PPFIA1: variants seen among roughly 807,000 people sequenced by gnomAD.
PPFIA1 encodes the protein PPFI scaffold protein A1.
In PPFIA1, 25 loss-of-function variants were observed where a neutral mutation model predicts 149.9. The observed-to-expected ratio is 0.17, with a 90% CI of 0.12 to 0.23. PPFIA1 has a LOEUF of 0.23. PPFIA1 is among the 10% of genes least tolerant of loss of function. The probability of loss-of-function intolerance (pLI) is 1.00; values close to 1 mark genes in which losing one functional copy is unlikely to be tolerated. For missense variants in PPFIA1, 1,362 were observed against 1,506.5 expected, an observed-to-expected ratio of 0.90 and a Z score of 1.59; for synonymous variants, 549 against 552.8, an observed-to-expected ratio of 0.99 and a Z score of 0.10.
intron 15 of PPFIA1, 85 bp from the exon 16 acceptor site, chr11:70,348,104 C>T (rs2055828201): frequency 8.8e-7 from 1 of 1,133,242 alleles, no homozygotes; most frequent in African/African-American, 1.5e-5. Flanking sequence ...CATAGTAATA[C>T]AGAGTATAAG....
intron 21 of PPFIA1, among the ~76,000 whole-genome samples, chr11:70,369,574 TCAC>T (rs2057126813): frequency 6.6e-6 from 1 of 152,190 alleles, no homozygotes. Flanking sequence ...TTGGTAGAAT[TCAC>T]CAGTGAAGCT....
intron 7 of PPFIA1, chr11:70,327,498 G>A (rs11821895): frequency 0.078 from 11,868 of 152,402 alleles, 577 homozygotes; most frequent in East Asian, 0.2. Context: ...AATGCCGGGC[G>A]TGGTGGCTCA....
intron 6 of PPFIA1, 31 bp from the exon 7 acceptor site, chr11:70,326,566 G>T (rs759254224): frequency 3.3e-5 from 51 of 1,537,088 alleles, no homozygotes; most frequent in Non-Finnish European, 4.5e-5. Context: ...CCAAACAAGG[G>T]TATTTAAGGA....
chr11:70,338,887 A>G (rs916113647), intron 13 of PPFIA1, among the ~76,000 whole-genome samples: 1 of 152,208 alleles, frequency 6.6e-6, no homozygotes, highest in African/African-American at 2.4e-5. Context: ...GACCCAGAGG[A>G]GGGGTCTCTC....
chr11:70,300,673 A>G (rs1445588992), intron 2 of PPFIA1, among the ~76,000 whole-genome samples: 1 of 151,892 alleles, frequency 6.6e-6, no homozygotes, highest in East Asian at 1.9e-4. Context: ...AGCTGGGACT[A>G]CAGGCGCCCG....
Position 70,372,340 on chromosome 11 carries a change from G to C in PPFIA1, c.2991G>C (p.Leu997Phe). The change falls in exon 22 of 28, where the codon TTG becomes TTC. Residue 997 changes from leucine (L) to phenylalanine (F), a missense_variant. By Grantham distance (22) the Leu-to-Phe change is conservative (BLOSUM62 0). Around this residue, in one of 7 missense-constraint regions of PPFIA1, gnomAD observed 349 missense variants for 373.3 expected, o/e 0.93. Transcript: ENST00000253925. ...CLVDARMLDH[L>F]TKKDLRGQLK... ...TAGACGCCAGGATGCTGGACCACTT[G>C]ACCAAGAAAGACCTTCGAGGGCAGC... The C allele has an allele frequency of 6.2e-7, 1 of 1,614,200 alleles. No individual in the cohort carries two copies. Among genetic ancestry groups the C allele is most frequent in the South Asian group, 1.1e-5 (1 of 91,072 alleles).
At chr11:70,298,425 G>A (rs1279251333) in intron 2 of PPFIA1, among the ~76,000 whole-genome samples, 1 of 152,200 alleles carries the variant, frequency 6.6e-6, no homozygotes, top group Admixed American at 6.5e-5. Context: ...TTAGGAGACT[G>A]CTTAAAAGCA....
chr11:70,367,744 A>G (rs1210084216), intron 21 of PPFIA1: 5 of 373,842 alleles, frequency 1.3e-5, no homozygotes, highest in South Asian at 7.8e-5. Context: ...TTCTGCTTCC[A>G]TGCAGTTTTC....
At chr11:70,342,936 C>CTTTTTTTTTTTT (rs71463672) in intron 14 of PPFIA1, among the ~76,000 whole-genome samples, 5 of 78,176 alleles carry the variant, frequency 6.4e-5, no homozygotes, top group Non-Finnish European at 9.5e-5. Flanking sequence ...AATGTACCAC[C>CTTTTTTTTTTTT]TTTTTTTTTT....
At chr11:70,273,434 T>C (rs2050209283) in intron 2 of PPFIA1, among the ~76,000 whole-genome samples, 2 of 151,918 alleles carry the variant, frequency 1.3e-5, no homozygotes, top group Admixed American at 1.3e-4. Context: ...CGGGGCATAG[T>C]GGGAGAGAAG....
chr11:70,333,170 G>T, intron 9 of PPFIA1: 1 of 513,084 alleles, frequency 1.9e-6, no homozygotes. Context: ...ACCAGAAGCA[G>T]TCCAAGGATG....
chr11:70,373,778 A>G (rs1170082308), intron 23 of PPFIA1: 1 of 152,194 alleles, frequency 6.6e-6, no homozygotes, highest in Non-Finnish European at 1.5e-5. Context: ...GGATAAAAAT[A>G]TGGTTGGGAG....
chr11:70,370,665 GGT>G (rs2057189479), intron 21 of PPFIA1, among the ~76,000 whole-genome samples: 1 of 152,072 alleles, frequency 6.6e-6, no homozygotes, highest in Non-Finnish European at 1.5e-5. Context: ...TAGGATTACA[GGT>G]GTGAGCCACT....
Position 70,315,675 on chromosome 11 carries a change from T to C in PPFIA1, c.265-8727T>C, listed in dbSNP as rs565390672. Among the ~76,000 whole-genome samples, 626 of 140,162 alleles carry C rather than the reference T, an allele frequency of 4.5e-3. 9 individuals are homozygous for C. Among genetic ancestry groups the C allele is most frequent in the African/African-American group, 0.016 (590 of 36,124 alleles). The allele number at this position is 140,162 out of a possible 152,430, so 92.0% of individuals were successfully genotyped here. A position where few individuals can be genotyped will look rare whatever the true frequency, so the allele number is the denominator to read the frequency against. On this transcript the variant is annotated intron_variant, in intron 2 of 27. Coordinates refer to ENST00000253925, the MANE Select transcript of PPFIA1 (RefSeq NM_003626.5). Reference sequence around the variant, plus strand: ...TTTGCCTTCTGTGAAGTTCTTTTTTTCTGTTTTTTTTTTTTTTTTTTTTTT... The same window carrying C: ...TTTGCCTTCTGTGAAGTTCTTTTTTCCTGTTTTTTTTTTTTTTTTTTTTTT...
rs56261744 is a variant in PPFIA1 at position 70,288,069 on chromosome 11, C to CT, written c.264+15649dup. ...CCAGCCATGCCTCATCTCACCTCTGCTTTTTTTTTTTTTTTTCTTTTTTGA... is the reference window on the plus strand; with the variant it reads ...CCAGCCATGCCTCATCTCACCTCTGCTTTTTTTTTTTTTTTTTCTTTTTTGA... On this transcript the variant is annotated intron_variant, in intron 2 of 27. Transcript: ENST00000253925. 9.3e-3 allele frequency among the ~76,000 whole-genome samples: 1,282 copies of CT among 138,108 alleles called. 10 individuals are homozygous for CT. The highest frequency in any genetic ancestry group is 0.017 in the South Asian group (76 of 4,462). The allele number at this position is 138,108 out of a possible 152,430, so 90.6% of individuals were successfully genotyped here. A position where few individuals can be genotyped will look rare whatever the true frequency, so the allele number is the denominator to read the frequency against.
chr11:70,367,871 C>G (rs528377388), intron 21 of PPFIA1, among the ~76,000 whole-genome samples: 7 of 152,204 alleles, frequency 4.6e-5, no homozygotes, highest in Non-Finnish European at 1.0e-4. Flanking sequence ...TGTAGTGGCT[C>G]ACACCTGTAA....
intron 16 of PPFIA1, among the ~76,000 whole-genome samples, chr11:70,352,754 A>G (rs1591314019): frequency 2.0e-5 from 1 of 50,994 alleles, no homozygotes. Context: ...GAGGGGTGGG[A>G]GGGCGGCGTG....
At chr11:70,332,497 A>T (rs565669586) in intron 9 of PPFIA1, among the ~76,000 whole-genome samples, 1 of 152,264 alleles carries the variant, frequency 6.6e-6, no homozygotes, top group Middle Eastern at 3.4e-3. Context: ...AAGTAATTTT[A>T]TTATTTTGAA....
At position 70,378,013 on chromosome 11, in the gene PPFIA1, G is replaced by A. The variant is rs1437376581; in HGVS notation, c.3385-17G>A. On this transcript the variant is annotated splice_polypyrimidine_tract_variant and intron_variant, in intron 25 of 27. Coordinates refer to ENST00000253925, the MANE Select transcript of PPFIA1 (RefSeq NM_003626.5). ...ATTTTTTAAATGAATCTTGTTTTTTGTTCCTTAATTTACCAGGATGATGAT... is the reference window on the plus strand; with the variant it reads ...ATTTTTTAAATGAATCTTGTTTTTTATTCCTTAATTTACCAGGATGATGAT... 1 of 1,565,112 alleles carries A rather than the reference G, an allele frequency of 6.4e-7. No homozygotes were observed. Among genetic ancestry groups the A allele is most frequent in the Non-Finnish European group, 8.7e-7 (1 of 1,148,952 alleles).
Sources: gnomAD v4.1 joint callset for allele counts (sites outside exome capture counted in the v4.1 genomes callset) on GRCh38, gnomAD v4.1.1 for gene constraint, gnomAD v4.1.1 regional missense constraint, MANE v1.5 for transcripts, NCBI Gene and HGNC (gene_info 2026-07-23, HGNC 2026-07-21) for gene names.